EHMT1: variants seen among roughly 807,000 people sequenced by gnomAD.
EHMT1 encodes the protein histone-lysine N-methyltransferase EHMT1.
Under a neutral mutation model 147.2 loss-of-function variants are expected in EHMT1, and 15 were observed. That is an observed-to-expected ratio of 0.10 (90% CI 0.07 to 0.16). The LOEUF (loss-of-function observed/expected upper bound fraction) is 0.16. Among genes scored for constraint, EHMT1 ranks in the 10% least tolerant of loss-of-function variants. EHMT1 has a pLI of 1.00. For synonymous variants in EHMT1, 795 were observed against 709.6 expected, an observed-to-expected ratio of 1.12 and a Z score of -1.91; for missense variants, 1,587 against 1,772.4, an observed-to-expected ratio of 0.90 and a Z score of 1.88.
chr9:137,800,644 G>C (rs1372266316), intron 17 of EHMT1: 13 of 574,114 alleles, frequency 2.3e-5, no homozygotes, highest in South Asian at 4.0e-5. Flanking sequence ...TGTCGGGCAG[G>C]GTTGTTGGGC....
At chr9:137,831,373 T>C (rs1418849245) in intron 25 of EHMT1, among the ~76,000 whole-genome samples, 1 of 152,254 alleles carries the variant, frequency 6.6e-6, no homozygotes, top group Non-Finnish European at 1.5e-5. Flanking sequence ...TGTCCGTACA[T>C]GGAAATCTTT....
At chr9:137,677,755 A>G (rs1326685618) in intron 1 of EHMT1, among the ~76,000 whole-genome samples, 1 of 152,122 alleles carries the variant, frequency 6.6e-6, no homozygotes, top group Non-Finnish European at 1.5e-5. Context: ...ACTGTTGTGT[A>G]TCTTAAAAAA....
Position 137,716,697 on chromosome 9 carries a change from G to A in EHMT1, c.157G>A (p.Glu53Lys), listed in dbSNP as rs764437500. 1.9e-6 allele frequency: 3 copies of A among 1,607,644 alleles called. No individual in the cohort carries two copies. The South Asian group carries it at 3.3e-5, about 18-fold the overall frequency. Residue 53 changes from glutamate (E) to lysine (K), a missense_variant, in exon 3 of 27, where the codon GAG becomes AAG. Physicochemically the swap from Glu to Lys is moderately conservative, Grantham distance 56 (BLOSUM62 1). Around this residue, in one of 7 missense-constraint regions of EHMT1, gnomAD observed 810 missense variants for 673.0 expected, o/e 1.20. Transcript: ENST00000460843. ...AGAGGCCCACATGGCTGCGGACGGTGAGACCAATGGGTCTTGTGAAAACAG... is the reference window on the plus strand; with the variant it reads ...AGAGGCCCACATGGCTGCGGACGGTAAGACCAATGGGTCTTGTGAAAACAG... ...AGEAHMAADG[E>K]TNGSCENSDA...
chr9:137,820,388 A>G (rs1955310557), intron 25 of EHMT1, among the ~76,000 whole-genome samples: 1 of 152,244 alleles, frequency 6.6e-6, no homozygotes, highest in Non-Finnish European at 1.5e-5. Flanking sequence ...CTGGTGACAC[A>G]TATCCTCACA....
chr9:137,694,513 G>A (rs925943947), intron 1 of EHMT1, among the ~76,000 whole-genome samples: 1 of 152,112 alleles, frequency 6.6e-6, no homozygotes, highest in Admixed American at 6.6e-5. Context: ...CAGTCTCGTT[G>A]GTCGGCAGTC....
intron 1 of EHMT1, among the ~76,000 whole-genome samples, chr9:137,656,797 A>G (rs185772583): frequency 2.8e-4 from 43 of 151,996 alleles, no homozygotes; most frequent in African/African-American, 8.7e-4. Flanking sequence ...CTGGAGTGCA[A>G]TGGTGCCATC....
At chr9:137,780,150 G>GGCATCA (rs1367039169) in intron 14 of EHMT1, among the ~76,000 whole-genome samples, 1 of 144,066 alleles carries the variant, frequency 6.9e-6, no homozygotes, top group Non-Finnish European at 1.5e-5. Context: ...TGGTGATGAC[G>GGCATCA]CTGAGATGTG....
intron 18 of EHMT1, among the ~76,000 whole-genome samples, chr9:137,804,068 G>A (rs1046545443): frequency 2.6e-5 from 4 of 152,154 alleles, no homozygotes; most frequent in African/African-American, 4.8e-5. Context: ...CTTACATGGT[G>A]GCAGGAGAGA....
chr9:137,717,627 G>A lies in EHMT1; in HGVS notation c.642+445G>A, dbSNP rs985362644. ...TCTCAAAAAAAAAAAAAAAAAAAAA[G>A]AGATGCTGCTAATGCCTTGTGCGTG... is the stretch of plus-strand genomic sequence containing the variant. On this transcript the variant is annotated intron_variant, in intron 3 of 26. Transcript: ENST00000460843. Among the ~76,000 whole-genome samples the A allele has an allele frequency of 9.3e-3, 817 of 87,994 alleles. 11 individuals are homozygous for A. The highest frequency in any genetic ancestry group is 0.01 in the Non-Finnish European group (505 of 48,546). 57.7% of individuals were successfully genotyped at this position (87,994 alleles called of 152,430 possible).
intron 23 of EHMT1, chr9:137,816,473 C>G (rs1420979837): frequency 3.1e-6 from 1 of 326,486 alleles, no homozygotes; most frequent in Non-Finnish European, 6.0e-6. Flanking sequence ...AGGTGATGTC[C>G]CAACGCTTCT....
intron 2 of EHMT1, among the ~76,000 whole-genome samples, chr9:137,713,655 A>C (rs1944945866): frequency 6.6e-6 from 1 of 152,036 alleles, no homozygotes; most frequent in Non-Finnish European, 1.5e-5. Flanking sequence ...ACTGTATAGA[A>C]ATACAAGTGA....
At chr9:137,750,105 G>A (rs1396771104) in intron 6 of EHMT1, among the ~76,000 whole-genome samples, 1 of 152,168 alleles carries the variant, frequency 6.6e-6, no homozygotes, top group Non-Finnish European at 1.5e-5. Flanking sequence ...AGCAAAATCA[G>A]CTCAAAACCT....
At chr9:137,670,777 C>T (rs985590695) in intron 1 of EHMT1, among the ~76,000 whole-genome samples, 1 of 152,202 alleles carries the variant, frequency 6.6e-6, no homozygotes, top group Non-Finnish European at 1.5e-5. Flanking sequence ...TCTAGCGGGG[C>T]TTAGCGCTCT....
chr9:137,625,785 C>T (rs1390400850), intron 1 of EHMT1, among the ~76,000 whole-genome samples: 2 of 151,794 alleles, frequency 1.3e-5, no homozygotes, highest in Non-Finnish European at 2.9e-5. Context: ...GCATTTTTGA[C>T]CACTTCTCAA....
At chr9:137,773,838 G>A (rs150192986) in intron 10 of EHMT1, among the ~76,000 whole-genome samples, 3 of 152,294 alleles carry the variant, frequency 2.0e-5, no homozygotes, top group East Asian at 1.9e-4. Flanking sequence ...CTTCTTTAGT[G>A]AAATGCCACT....
intron 2 of EHMT1, chr9:137,715,901 T>G (rs1018389425): frequency 2.9e-5 from 27 of 920,092 alleles, no homozygotes; most frequent in Non-Finnish European, 3.5e-5. Flanking sequence ...ACGTTCAACG[T>G]TAATGCTTAA....
chr9:137,739,087 A>AT (rs1268143827), intron 4 of EHMT1, among the ~76,000 whole-genome samples: 2 of 151,692 alleles, frequency 1.3e-5, no homozygotes, highest in Non-Finnish European at 1.5e-5. Context: ...AAAAAAAAAA[A>AT]CAGGCCGGGC....
At chr9:137,645,479 C>T (rs1279813727) in intron 1 of EHMT1, among the ~76,000 whole-genome samples, 1 of 152,210 alleles carries the variant, frequency 6.6e-6, no homozygotes, top group Non-Finnish European at 1.5e-5. Flanking sequence ...TGGCGTCTGC[C>T]TTGTACTTAC....
rs547474831 is a variant in EHMT1, at chr9:137,681,301, G to A, written c.22-29666G>A. 1.1e-4 allele frequency among the ~76,000 whole-genome samples: 17 copies of A among 152,324 alleles called. No individual in the cohort carries two copies. In the East Asian group the frequency reaches 3.3e-3, roughly 29 times the overall value. The stretch of plus-strand genomic sequence containing the variant: ...TCTGTAACCAGCATCTAAGTGTGCA[G>A]GGGTTACTTTGGAACCCTGAGAATT... On this transcript the variant is annotated intron_variant, in intron 1 of 26. Transcript: ENST00000460843.
Sources: gnomAD v4.1 joint callset for allele counts (sites outside exome capture counted in the v4.1 genomes callset) on GRCh38, gnomAD v4.1.1 for gene constraint, gnomAD v4.1.1 regional missense constraint, MANE v1.5 for transcripts, NCBI Gene and HGNC (gene_info 2026-07-23, HGNC 2026-07-21) for gene names.